Variants in GLIS3 observed in about 807,000 individuals in gnomAD.
GLIS3 encodes the protein GLIS family zinc finger 3.
In GLIS3, 53 loss-of-function variants were observed where a neutral mutation model predicts 78.6. The observed-to-expected ratio is 0.67, with a 90% confidence interval of 0.54 to 0.85. GLIS3 has a LOEUF of 0.85. Among genes scored for constraint, GLIS3 ranks in the 40% least tolerant of loss-of-function variants. The pLI is 0.00. For synonymous variants in GLIS3, 684 were observed against 509.9 expected (o/e 1.34, Z -4.60); for missense variants, 1,703 against 1,231.1 (o/e 1.38, Z -5.74).
chr9:4,366,826 C>G, the GLIS3 span, among the ~76,000 whole-genome samples: 1 of 152,122 alleles, frequency 6.6e-6, no homozygotes, highest in African/African-American at 2.4e-5. Flanking sequence ...GGAAAATGGC[C>G]AAACAGTTGA....
At chr9:3,969,813 C>A (rs905939604) in intron 4 of GLIS3, among the ~76,000 whole-genome samples, 1 of 152,162 alleles carries the variant, frequency 6.6e-6, no homozygotes. Context: ...GAAAGCTAGG[C>A]AATCCAGCAC....
Position 4,267,861 on chromosome 9 carries a change from A to T in GLIS3, c.388+18177T>A, listed in dbSNP as rs939140321. The stretch of plus-strand genomic sequence containing the variant: ...TAATTCCCAAGACAACGTTTCTACT[A>T]GGTACATCATTGCTAAAGAAATAAA... On this transcript the variant is annotated intron_variant, in intron 2 of 10. Coordinates refer to ENST00000381971, the MANE Select transcript of GLIS3 (RefSeq NM_001042413.2). Among the ~76,000 whole-genome samples the T allele has an allele frequency of 1.3e-5, 2 of 152,284 alleles. 1 individual carries two copies. Among genetic ancestry groups the T allele is most frequent in the South Asian group, 4.1e-4 (2 of 4,822 alleles).
the GLIS3 span, among the ~76,000 whole-genome samples, chr9:4,399,290 T>C: frequency 3.9e-5 from 6 of 151,994 alleles, no homozygotes; most frequent in African/African-American, 1.5e-4. Flanking sequence ...ATTTATCAAC[T>C]TGGGGTAAAT....
At chr9:3,860,421 C>T (rs564009029) in intron 8 of GLIS3, among the ~76,000 whole-genome samples, 1 of 152,132 alleles carries the variant, frequency 6.6e-6, no homozygotes, top group South Asian at 2.1e-4. Context: ...CCTTCTATGC[C>T]CTTCTCCATT....
chr9:4,285,955 C>T, intron 2 of GLIS3, 83 bp downstream of exon 2: 1 of 1,504,300 alleles, frequency 6.6e-7, no homozygotes, highest in Non-Finnish European at 9.2e-7. Context: ...ATGTATTTTT[C>T]CATAGGATTT....
chr9:3,841,674 C>T (rs1485488942), intron 9 of GLIS3, among the ~76,000 whole-genome samples: 2 of 152,178 alleles, frequency 1.3e-5, no homozygotes, highest in Non-Finnish European at 2.9e-5. Context: ...GTGGAGCAAA[C>T]ACTTTGCCAA....
intron 2 of GLIS3, among the ~76,000 whole-genome samples, chr9:4,186,961 C>T (rs147440982): frequency 0.037 from 5,595 of 152,090 alleles, 329 homozygotes; most frequent in African/African-American, 0.12. Context: ...TTCACTCTGA[C>T]GGTAGTTTCT....
chr9:4,344,187 C>A (rs1445869401), intron 2 of GLIS3, among the ~76,000 whole-genome samples: 2 of 152,142 alleles, frequency 1.3e-5, no homozygotes, highest in Non-Finnish European at 2.9e-5. Flanking sequence ...TACAGCAAGT[C>A]TCCCGATAAA....
At chr9:3,846,459 G>C (rs1332090219) in intron 9 of GLIS3, among the ~76,000 whole-genome samples, 1 of 152,184 alleles carries the variant, frequency 6.6e-6, no homozygotes, top group East Asian at 1.9e-4. Context: ...AATAACAGCT[G>C]CAATGACGTG....
At chr9:4,477,412 G>A in the GLIS3 span, among the ~76,000 whole-genome samples, 2 of 151,384 alleles carry the variant, frequency 1.3e-5, no homozygotes, top group East Asian at 3.9e-4. Context: ...GTGTGTTTTG[G>A]GGGGGCTGGG....
the GLIS3 span, among the ~76,000 whole-genome samples, chr9:4,392,927 T>A: frequency 6.6e-6 from 1 of 152,004 alleles, no homozygotes; most frequent in Admixed American, 6.5e-5. Flanking sequence ...TGAATCACCA[T>A]ATATTGGATC....
chr9:4,325,139 A>C (rs1817582489), intron 2 of GLIS3, among the ~76,000 whole-genome samples: 1 of 152,188 alleles, frequency 6.6e-6, no homozygotes, highest in African/African-American at 2.4e-5. Flanking sequence ...TATGTCTATA[A>C]AGCCCATAGC....
intron 4 of GLIS3, among the ~76,000 whole-genome samples, chr9:4,016,960 A>T (rs867639718): frequency 1.2e-4 from 19 of 152,194 alleles, no homozygotes; most frequent in Admixed American, 3.3e-4. Context: ...CCGATCCACA[A>T]GCCGAACAAT....
chr9:4,340,400 A>G (rs984534863), intron 2 of GLIS3, among the ~76,000 whole-genome samples: 3 of 152,052 alleles, frequency 2.0e-5, no homozygotes, highest in Middle Eastern at 3.2e-3. Flanking sequence ...CAACTTCCCA[A>G]TTAAAAGGCA....
At chr9:4,093,414 G>T (rs974724964) in intron 4 of GLIS3, among the ~76,000 whole-genome samples, 3 of 152,208 alleles carry the variant, frequency 2.0e-5, no homozygotes, top group Non-Finnish European at 4.4e-5. Context: ...GAAGACAGAG[G>T]AGAGCAGACT....
intron 4 of GLIS3, among the ~76,000 whole-genome samples, chr9:4,033,761 C>G (rs1186558655): frequency 5.3e-5 from 8 of 150,688 alleles, no homozygotes; most frequent in Admixed American, 5.3e-4. Context: ...AGACTACTAA[C>G]TCCTTAAATG....
chr9:4,182,868 CCT>C (rs1817455259), intron 2 of GLIS3, among the ~76,000 whole-genome samples: 1 of 152,172 alleles, frequency 6.6e-6, no homozygotes, highest in South Asian at 2.1e-4. Context: ...TATGTATCAC[CCT>C]GTCTGATTCT....
intron 2 of GLIS3, among the ~76,000 whole-genome samples, chr9:4,334,668 C>A (rs935419604): frequency 6.6e-6 from 1 of 152,202 alleles, no homozygotes; most frequent in Non-Finnish European, 1.5e-5. Flanking sequence ...CCCCATGCTG[C>A]TTTGCCTGTC....
At chr9:4,272,935 CCCTA>C (rs1227168399) in intron 2 of GLIS3, among the ~76,000 whole-genome samples, 18 of 152,146 alleles carry the variant, frequency 1.2e-4, no homozygotes, top group Admixed American at 1.2e-3. Context: ...TATATGATCA[CCCTA>C]CCTAAATAAA....
Sources: gnomAD v4.1 joint callset for allele counts (sites outside exome capture counted in the v4.1 genomes callset) on GRCh38, gnomAD v4.1.1 for gene constraint, MANE v1.5 for transcripts, NCBI Gene and HGNC (gene_info 2026-07-23, HGNC 2026-07-21) for gene names.